CPNE4: variants seen among roughly 807,000 people sequenced by gnomAD.
The protein encoded by CPNE4 is copine 4.
CPNE4 carries 25 observed loss-of-function variants against 67.9 expected under a neutral mutation model. The observed-to-expected ratio is 0.37, with a 90% confidence interval of 0.27 to 0.51. The LOEUF (loss-of-function observed/expected upper bound fraction) is 0.51. Among genes scored for constraint, CPNE4 ranks in the 20% least tolerant of loss-of-function variants. CPNE4 has a pLI of 0.93. For missense variants in CPNE4, 464 were observed against 690.8 expected, an observed-to-expected ratio of 0.67 and a Z score of 3.68; for synonymous variants, 242 against 244.9, an observed-to-expected ratio of 0.99 and a Z score of 0.11.
At chr3:131,771,619 G>C (rs910623375) in intron 2 of CPNE4, among the ~76,000 whole-genome samples, 7 of 152,114 alleles carry the variant, frequency 4.6e-5, no homozygotes, top group Admixed American at 6.6e-5. Context: ...CTCACCAGAA[G>C]CAGATACTGG....
chr3:131,868,196 A>G (rs1424395942), intron 2 of CPNE4, among the ~76,000 whole-genome samples: 1 of 152,044 alleles, frequency 6.6e-6, no homozygotes, highest in Non-Finnish European at 1.5e-5. Flanking sequence ...TAGGTCCCTC[A>G]TTTTTTATCT....
intron 2 of CPNE4, among the ~76,000 whole-genome samples, chr3:131,893,982 T>G (rs4854855): frequency 0.053 from 8,084 of 151,506 alleles, 388 homozygotes; most frequent in African/African-American, 0.13. Flanking sequence ...ATAAACAATA[T>G]ATAGACTACA....
intron 1 of CPNE4, among the ~76,000 whole-genome samples, chr3:131,966,778 C>T (rs1294099774): frequency 6.6e-6 from 1 of 152,150 alleles, no homozygotes; most frequent in Non-Finnish European, 1.5e-5. Context: ...CAGACAGATT[C>T]ACAGCTGGAC....
chr3:131,730,314 C>G (rs1377068246), intron 2 of CPNE4, among the ~76,000 whole-genome samples: 1 of 152,034 alleles, frequency 6.6e-6, no homozygotes, highest in African/African-American at 2.4e-5. Context: ...CATTTTAACA[C>G]TGATTTATAA....
intron 2 of CPNE4, among the ~76,000 whole-genome samples, chr3:131,862,365 C>G (rs1321409318): frequency 6.6e-6 from 1 of 152,124 alleles, no homozygotes; most frequent in Non-Finnish European, 1.5e-5. Flanking sequence ...ATAAAATTTC[C>G]TAAATCTGTC....
chr3:131,905,592 A>G, intron 1 of CPNE4, 148 bp from the exon 2 acceptor site: 1 of 701,326 alleles, frequency 1.4e-6, no homozygotes, highest in Non-Finnish European at 2.3e-6. Flanking sequence ...CAACCCAGTG[A>G]CACAGTTCCA....
chr3:131,783,972 A>G (rs111347738), intron 2 of CPNE4, among the ~76,000 whole-genome samples: 5 of 152,266 alleles, frequency 3.3e-5, no homozygotes, highest in African/African-American at 1.2e-4. Context: ...GAGAAGTCCC[A>G]AAGTTCTGAC....
chr3:131,659,197 A>G (rs2080059730), intron 7 of CPNE4, among the ~76,000 whole-genome samples: 1 of 152,252 alleles, frequency 6.6e-6, no homozygotes. Context: ...ACCAGAACAC[A>G]GCATTATTTA....
At chr3:131,860,064 CAT>C (rs1386219756) in intron 2 of CPNE4, among the ~76,000 whole-genome samples, 1 of 152,158 alleles carries the variant, frequency 6.6e-6, no homozygotes, top group Non-Finnish European at 1.5e-5. Flanking sequence ...CTTATACATA[CAT>C]ATGACAACCC....
chr3:131,810,391 G>A lies in CPNE4; in HGVS notation c.181-86766C>T, dbSNP rs199581635. Reference sequence around the variant, plus strand: ...AGAAAACAAAATTCCCAAATAACCTGATTGTAAAATGGCAAAGGATCCGAA... The same window carrying A: ...AGAAAACAAAATTCCCAAATAACCTAATTGTAAAATGGCAAAGGATCCGAA... On this transcript the variant is annotated intron_variant, in intron 2 of 15. Coordinates refer to ENST00000429747, the MANE Select transcript of CPNE4 (RefSeq NM_130808.3). 5.9e-5 allele frequency among the ~76,000 whole-genome samples: 9 copies of A among 152,106 alleles called. No homozygotes were observed. The East Asian group carries it at 1.7e-3, about 29-fold the overall frequency.
chr3:131,785,169 G>A (rs1159724625), intron 2 of CPNE4, among the ~76,000 whole-genome samples: 2 of 152,050 alleles, frequency 1.3e-5, no homozygotes, highest in African/African-American at 4.8e-5. Flanking sequence ...TTTAATCCTT[G>A]CAATTCTGAG....
chr3:131,729,058 G>C (rs967854671), intron 2 of CPNE4, among the ~76,000 whole-genome samples: 2 of 152,148 alleles, frequency 1.3e-5, no homozygotes, highest in Admixed American at 6.5e-5. Context: ...GAGCTAAATC[G>C]TGTGATGCTA....
intron 2 of CPNE4, among the ~76,000 whole-genome samples, chr3:131,750,176 C>T (rs2082590580): frequency 1.3e-5 from 2 of 152,070 alleles, no homozygotes; most frequent in Admixed American, 6.6e-5. Context: ...CTGACATTTG[C>T]GGGACACATT....
At chr3:131,821,091 A>G (rs894690815) in intron 2 of CPNE4, among the ~76,000 whole-genome samples, 2 of 152,206 alleles carry the variant, frequency 1.3e-5, no homozygotes, top group African/African-American at 4.8e-5. Flanking sequence ...TTTGCCCCAG[A>G]AAACTGAAGG....
intron 1 of CPNE4, among the ~76,000 whole-genome samples, chr3:132,021,250 C>G (rs778214385): frequency 1.1e-4 from 16 of 152,298 alleles, no homozygotes; most frequent in Non-Finnish European, 1.8e-4. Flanking sequence ...GGAACCCACA[C>G]CATAAGTCAT....
chr3:131,571,855 G>A (rs1309207888), intron 10 of CPNE4, among the ~76,000 whole-genome samples: 1 of 151,930 alleles, frequency 6.6e-6, no homozygotes, highest in Admixed American at 6.6e-5. Flanking sequence ...ACCCCAAACT[G>A]CTTCCCCAAT....
chr3:131,639,284 A>T (rs1341632238), intron 7 of CPNE4, among the ~76,000 whole-genome samples: 1 of 152,168 alleles, frequency 6.6e-6, no homozygotes, highest in East Asian at 1.9e-4. Flanking sequence ...CCAAGAAAAG[A>T]AGAAAAAAGA....
intron 2 of CPNE4, among the ~76,000 whole-genome samples, chr3:131,757,004 C>T (rs1383161880): frequency 6.6e-6 from 1 of 152,160 alleles, no homozygotes; most frequent in Non-Finnish European, 1.5e-5. Context: ...CCTGAGGCCT[C>T]CCCAGCCATG....
At chr3:131,783,129 A>G (rs1009614557) in intron 2 of CPNE4, among the ~76,000 whole-genome samples, 1 of 152,122 alleles carries the variant, frequency 6.6e-6, no homozygotes, top group African/African-American at 2.4e-5. Context: ...GCTGATAAAA[A>G]TTAAAACGAC....
Sources: gnomAD v4.1 joint callset for allele counts (sites outside exome capture counted in the v4.1 genomes callset) on GRCh38, gnomAD v4.1.1 for gene constraint, MANE v1.5 for transcripts, NCBI Gene and HGNC (gene_info 2026-07-23, HGNC 2026-07-21) for gene names.